Variants in HMCN2 observed in about 807,000 individuals in gnomAD.
The protein encoded by HMCN2 is hemicentin 2.
In HMCN2, 325 loss-of-function variants were observed where a neutral mutation model predicts 377.5. The observed-to-expected ratio is 0.86, with a 90% confidence interval of 0.79 to 0.94. The LOEUF (loss-of-function observed/expected upper bound fraction) is 0.94. Among genes scored for constraint, HMCN2 ranks in the 40% least tolerant of loss-of-function variants. HMCN2 has a pLI of 0.00. For missense variants in HMCN2, 4,543 were observed against 4,725.3 expected, an observed-to-expected ratio of 0.96 and a Z score of 1.13; for synonymous variants, 2,007 against 2,046.8, an observed-to-expected ratio of 0.98 and a Z score of 0.53.
chr9:130,373,070 G>A lies in HMCN2; in HGVS notation c.7384G>A (p.Glu2462Lys). ...PPSIENEDLE[E>K]VIKVLDGQTA... Reference sequence around the variant, plus strand: ...CAGTATTGAGAACGAGGACTTGGAGGAGGTGATCAAGGTCCTTGATGGACA... The same window carrying A: ...CAGTATTGAGAACGAGGACTTGGAGAAGGTGATCAAGGTCCTTGATGGACA... The change falls in exon 48 of 98, where the codon GAG becomes AAG. Residue 2462 changes from glutamate to lysine, a missense_variant. Around this residue, in one of 5 missense-constraint regions of HMCN2, gnomAD observed 1,032 missense variants for 1,285.1 expected, o/e 0.80. Transcript: ENST00000683500. The A allele has an allele frequency of 1.0e-6, 1 of 984,364 alleles. No individual in the cohort carries two copies. The highest frequency in any genetic ancestry group is 4.7e-5 in the South Asian group (1 of 21,226). The allele number at this position is 984,364 out of a possible 1,614,324, so 61.0% of individuals were successfully genotyped here. A position where few individuals can be genotyped will look rare whatever the true frequency, so the allele number is the denominator to read the frequency against.
intron 25 of HMCN2, among the ~76,000 whole-genome samples, chr9:130,344,805 T>A (rs1444586121): frequency 6.6e-6 from 1 of 150,442 alleles, no homozygotes; most frequent in East Asian, 2.0e-4. Context: ...GCATGTGATG[T>A]GTATGTGGTA....
At chr9:130,316,477 T>C (rs1159874268) in intron 15 of HMCN2, among the ~76,000 whole-genome samples, 2 of 151,948 alleles carry the variant, frequency 1.3e-5, no homozygotes, top group Non-Finnish European at 2.9e-5. Context: ...GCCCCTCCTG[T>C]CCCCTCGCCC....
Position 130,424,926 on chromosome 9 carries a change from TC to T in HMCN2, c.13519+18del. Reference sequence around the variant, plus strand: ...GAGTTTGCTACAGGTAAACAGGGCCTCCCCCAGGTGGGCCAGGTAGGACTAA... The same window carrying T: ...GAGTTTGCTACAGGTAAACAGGGCCTCCCCAGGTGGGCCAGGTAGGACTAA... On this transcript the variant is annotated intron_variant, in intron 88 of 97. Coordinates refer to ENST00000683500, the MANE Select transcript of HMCN2 (RefSeq NM_001291815.2). 1 of 1,463,028 alleles carries T rather than the reference TC, an allele frequency of 6.8e-7. No homozygotes were observed. Among genetic ancestry groups the T allele is most frequent in the Non-Finnish European group, 9.1e-7 (1 of 1,101,142 alleles). The allele number at this position is 1,463,028 out of a possible 1,614,324, so 90.6% of individuals were successfully genotyped here. A position where few individuals can be genotyped will look rare whatever the true frequency, so the allele number is the denominator to read the frequency against.
In HMCN2 at chr9:130,402,880, CTT is replaced by C. The variant is rs1842922076; in HGVS notation, c.11863_11864del (p.Phe3955ProfsTer79). ...NSAGVAHKHV[F>X]LTVQASPVVK... ...CTGCCGGCGTAGCCCACAAGCACGT[CTT>C]CCTCACTGTGCAAGGTAAGGGTCCG... is the stretch of plus-strand genomic sequence containing the variant. On this transcript the variant is annotated frameshift_variant, in exon 78 of 98. Transcript: ENST00000683500. LOFTEE classifies it high-confidence loss of function. 7.8e-7 allele frequency: 1 copy of C among 1,289,628 alleles called. No homozygotes were observed. Among genetic ancestry groups the C allele is most frequent in the Non-Finnish European group, 1.0e-6 (1 of 988,868 alleles). The allele number at this position is 1,289,628 out of a possible 1,614,324, so 79.9% of individuals were successfully genotyped here. A position where few individuals can be genotyped will look rare whatever the true frequency, so the allele number is the denominator to read the frequency against.
intron 13 of HMCN2, 76 bp from the exon 14 acceptor site, chr9:130,307,377 C>G (rs1163042183): frequency 2.2e-6 from 1 of 464,572 alleles, no homozygotes; most frequent in East Asian, 7.0e-5. Flanking sequence ...AGGGAGAGGG[C>G]TCCCTGAAGC....
At position 130,369,767 on chromosome 9, in the gene HMCN2, C is replaced by G. The variant is rs1840913488; in HGVS notation, c.6985C>G (p.Gln2329Glu). The change falls in exon 45 of 98, where the codon CAG (glutamine) becomes GAG (glutamate). Residue 2329 changes from glutamine (Q) to glutamate (E), a missense_variant. Transcript: ENST00000683500. The surrounding 1 kb of genome is among the most constrained non-coding windows in gnomAD (Gnocchi z 4.5). The stretch of plus-strand genomic sequence containing the variant: ...TCAGAGCCTGCATGTGGAGCGGGCC[C>G]AGGCTGCCCACACTGGACGCTACAG... Reference protein sequence around the residue: ...QGQSLHVERAQAAHTGRYSCV... With the variant: ...QGQSLHVERAEAAHTGRYSCV... 1 of 985,826 alleles carries G rather than the reference C, an allele frequency of 1.0e-6. No homozygotes were observed. The highest frequency in any genetic ancestry group is 1.2e-6 in the Non-Finnish European group (1 of 830,028). The allele number at this position is 985,826 out of a possible 1,614,324, so 61.1% of individuals were successfully genotyped here.
chr9:130,354,167 C>T (rs928769015), intron 31 of HMCN2, among the ~76,000 whole-genome samples: 1 of 152,200 alleles, frequency 6.6e-6, no homozygotes, highest in Non-Finnish European at 1.5e-5. Context: ...GCCACGGTTG[C>T]CCCTTGTGCC....
chr9:130,357,587 A>ATC (rs1840110178), intron 34 of HMCN2, among the ~76,000 whole-genome samples: 1 of 152,152 alleles, frequency 6.6e-6, no homozygotes, highest in Non-Finnish European at 1.5e-5. Flanking sequence ...ATGCATGAAT[A>ATC]GATGCATGGG....
chr9:130,284,948 G>A (rs1835339464), intron 2 of HMCN2, among the ~76,000 whole-genome samples: 1 of 152,224 alleles, frequency 6.6e-6, no homozygotes, highest in East Asian at 1.9e-4. Context: ...ACTCTTGCAT[G>A]GATGAATGAA....
chr9:130,384,763 G>T lies in HMCN2; in HGVS notation c.9071G>T (p.Gly3024Val). Residue 3024 changes from glycine to valine, a missense_variant, in exon 59 of 98, where the codon GGC becomes GTC. Coordinates refer to ENST00000683500, the MANE Select transcript of HMCN2 (RefSeq NM_001291815.2). The part of the protein sequence containing the change: ...MYTCEALNAA[G>V]RDQKLVQLSV... ...ACATGCGAAGCCCTCAATGCTGCCG[G>T]CCGAGACCAGAAGCTGGTGCAGCTC... The T allele has an allele frequency of 7.7e-7, 1 of 1,303,348 alleles. No homozygotes were observed. 80.7% of individuals were successfully genotyped at this position (1,303,348 alleles called of 1,614,324 possible).
Position 130,393,642 on chromosome 9 carries a change from G to A in HMCN2, c.10235-100G>A, listed in dbSNP as rs1842445311. On this transcript the variant is annotated intron_variant, in intron 67 of 97. Transcript: ENST00000683500. This position sits in a 1 kb window ranked among gnomAD's most constrained non-coding sequence, Gnocchi z 5.2. ...GAGGGCACCTCACCTGGCCTTGGGG[G>A]ACCAGGGCGGCTTCCTGGAAGAGGT... is the stretch of plus-strand genomic sequence containing the variant. The A allele has an allele frequency of 9.0e-7, 1 of 1,107,782 alleles. No homozygotes were observed. The highest frequency in any genetic ancestry group is 1.1e-6 in the Non-Finnish European group (1 of 873,470). 68.6% of individuals were successfully genotyped at this position (1,107,782 alleles called of 1,614,324 possible). A position where few individuals can be genotyped will look rare whatever the true frequency, so the allele number is the denominator to read the frequency against.
Position 130,433,347 on chromosome 9 carries a change from G to C in HMCN2, c.14895-1G>C. On this transcript the variant is annotated splice_acceptor_variant, in intron 97 of 97. Coordinates refer to ENST00000683500, the MANE Select transcript of HMCN2 (RefSeq NM_001291815.2). LOFTEE classifies it high-confidence loss of function. ...TGTCCGTGTGTCTGTGCCGCCCGCA[G>C]GACGTGCTTCCGGCGCTGCTCGCAG... 2.8e-6 allele frequency: 4 copies of C among 1,445,426 alleles called. No individual in the cohort carries two copies. The highest frequency in any genetic ancestry group is 3.6e-6 in the Non-Finnish European group (4 of 1,107,316). 89.5% of individuals were successfully genotyped at this position (1,445,426 alleles called of 1,614,324 possible).
At chr9:130,384,256 G>A in intron 57 of HMCN2, 117 bp from the exon 58 acceptor site, 2 of 807,518 alleles carry the variant, frequency 2.5e-6, no homozygotes, top group Non-Finnish European at 3.4e-6. Flanking sequence ...ATTATTTGAA[G>A]TTGTGCCGAG....
At chr9:130,349,321 A>T (rs1468146902) in intron 28 of HMCN2, among the ~76,000 whole-genome samples, 190 bp downstream of exon 28, 1 of 152,186 alleles carries the variant, frequency 6.6e-6, no homozygotes, top group Non-Finnish European at 1.5e-5. Flanking sequence ...ACAGGTGAAT[A>T]GCAAAATCAT....
chr9:130,424,424 G>A (rs982602284), intron 87 of HMCN2, among the ~76,000 whole-genome samples: 106 of 150,790 alleles, frequency 7.0e-4, no homozygotes, highest in African/African-American at 2.6e-3. Flanking sequence ...CTGACCTCGT[G>A]ATCTGACTGC....
intron 82 of HMCN2, 200 bp from the exon 83 acceptor site, chr9:130,407,371 G>C: frequency 2.9e-6 from 1 of 349,624 alleles, no homozygotes; most frequent in Non-Finnish European, 5.4e-6. Context: ...GTGTGCACTG[G>C]AAGATGGTAG....
At chr9:130,332,959 A>G (rs1838504957) in intron 22 of HMCN2, among the ~76,000 whole-genome samples, 1 of 151,906 alleles carries the variant, frequency 6.6e-6, no homozygotes, top group South Asian at 2.1e-4. Context: ...CAGCAAAAAC[A>G]GCAATGTGGG....
chr9:130,363,496 G>A (rs1840496960), intron 40 of HMCN2, among the ~76,000 whole-genome samples: 1 of 152,076 alleles, frequency 6.6e-6, no homozygotes, highest in African/African-American at 2.4e-5. Context: ...GTCCTCCTCT[G>A]GGTTTTTCTG....
chr9:130,378,672 C>T (rs1006155620), intron 53 of HMCN2, among the ~76,000 whole-genome samples: 2 of 152,072 alleles, frequency 1.3e-5, no homozygotes, highest in African/African-American at 4.8e-5. Flanking sequence ...TTTTGCTACA[C>T]AATGCCCATG....
Sources: gnomAD v4.1 joint callset for allele counts (sites outside exome capture counted in the v4.1 genomes callset) on GRCh38, gnomAD v4.1.1 for gene constraint, gnomAD v4.1.1 regional missense constraint, Gnocchi (gnomAD v3.1) non-coding constraint, MANE v1.5 for transcripts, NCBI Gene and HGNC (gene_info 2026-07-23, HGNC 2026-07-21) for gene names.